Variants in SHOC1 observed in about 807,000 individuals in gnomAD.
SHOC1 encodes the protein shortage in chiasmata 1.
SHOC1 carries 136 observed loss-of-function variants against 179.2 expected under a neutral mutation model. The observed-to-expected ratio is 0.76, with a 90% CI of 0.66 to 0.87. The LOEUF is 0.87. Among genes scored for constraint, SHOC1 ranks in the 40% least tolerant of loss-of-function variants. The pLI is 0.00. For missense variants in SHOC1, 1,538 were observed against 1,700.8 expected (o/e 0.90, Z 1.68); for synonymous variants, 489 against 586.6 (o/e 0.83, Z 2.41).
chr9:111,704,928 T>A (rs1832179330), intron 21 of SHOC1, among the ~76,000 whole-genome samples: 1 of 152,138 alleles, frequency 6.6e-6, no homozygotes, highest in Non-Finnish European at 1.5e-5. Flanking sequence ...TATTTGCTGG[T>A]AACAAAAGAA....
chr9:111,695,421 A>C lies in SHOC1; in HGVS notation c.3184-1059T>G, dbSNP rs146543228. 2.4e-3 allele frequency among the ~76,000 whole-genome samples: 371 copies of C among 152,250 alleles called. 1 individual carries two copies. The highest frequency in any genetic ancestry group is 8.1e-3 in the African/African-American group (336 of 41,558). On this transcript the variant is annotated intron_variant, in intron 24 of 27. Transcript: ENST00000682961. ...CACAGAAATATATTGTTCAATTCCA[A>C]ATGTACTTTATTGCTAGTTTTGGGT... is the stretch of plus-strand genomic sequence containing the variant.
In SHOC1 at chr9:111,691,792, A is replaced by T. The variant is rs766289152; in HGVS notation, c.4185T>A (p.Thr1395=). 3.1e-6 allele frequency: 5 copies of T among 1,613,822 alleles called. No individual in the cohort carries two copies. Among genetic ancestry groups the T allele is most frequent in the Non-Finnish European group, 4.2e-6 (5 of 1,179,978 alleles). ...KLYSQKGNLF[T]DQQKCLSDES... Reference sequence around the variant, plus strand: ...CATCTGATAGACATTTTTGCTGATCAGTGAATAAATTACCTTTCTGAGAGT... The same window carrying T: ...CATCTGATAGACATTTTTGCTGATCTGTGAATAAATTACCTTTCTGAGAGT... The change falls in exon 27 of 28, where the codon ACT becomes ACA. Residue 1395 remains threonine (T), a synonymous_variant. Transcript: ENST00000682961.
intron 5 of SHOC1, among the ~76,000 whole-genome samples, chr9:111,766,597 T>G (rs1186315205): frequency 6.6e-6 from 1 of 151,982 alleles, no homozygotes; most frequent in Non-Finnish European, 1.5e-5. Context: ...AATTTCATTG[T>G]GTTTTTTTTT....
chr9:111,731,236 G>A (rs1313150527), intron 12 of SHOC1, among the ~76,000 whole-genome samples: 1 of 152,130 alleles, frequency 6.6e-6, no homozygotes, highest in Admixed American at 6.5e-5. Flanking sequence ...CACTAAAGTA[G>A]CACTTTTAAT....
chr9:111,722,964 G>A (rs1719781747), intron 14 of SHOC1, among the ~76,000 whole-genome samples: 1 of 152,078 alleles, frequency 6.6e-6, no homozygotes, highest in African/African-American at 2.4e-5. Context: ...ACCACGCCCA[G>A]CTAATTTTTG....
chr9:111,721,226 G>C (rs1833032387), intron 15 of SHOC1, among the ~76,000 whole-genome samples: 1 of 152,164 alleles, frequency 6.6e-6, no homozygotes, highest in Non-Finnish European at 1.5e-5. Context: ...TAGCTGGTGG[G>C]AACAGCCACT....
intron 19 of SHOC1, 42 bp downstream of exon 19, chr9:111,707,813 C>A (rs759068269): frequency 2.3e-6 from 3 of 1,318,392 alleles, no homozygotes; most frequent in Non-Finnish European, 3.2e-6. Context: ...TCCTGTGAAA[C>A]TGGTACGTTT....
chr9:111,769,986 G>GTTTTTTTTTTTTTTTTTTTTTTT (rs769266659), intron 5 of SHOC1, among the ~76,000 whole-genome samples: 41 of 77,614 alleles, frequency 5.3e-4, no homozygotes, highest in Middle Eastern at 7.5e-3. Context: ...TTTTTTTTTT[G>GTTTTTTTTTTTTTTTTTTTTTTT]TTTTTTTTTT....
rs151051721 is a variant in SHOC1 at position 111,785,206 on chromosome 9, T to C, written c.169+706A>G. Among the ~76,000 whole-genome samples, 68 of 152,292 alleles carry C rather than the reference T, an allele frequency of 4.5e-4. No homozygotes were observed. The East Asian group carries it at 0.011, about 25-fold the overall frequency. ...CATGATTCAGGTCTCAACTCAAATG[T>C]CCTCCTCCTGAGAGAGACATTTCCC... is the stretch of plus-strand genomic sequence containing the variant. On this transcript the variant is annotated intron_variant, in intron 3 of 27. Coordinates refer to ENST00000682961, the MANE Select transcript of SHOC1 (RefSeq NM_001378211.1).
intron 5 of SHOC1, among the ~76,000 whole-genome samples, chr9:111,764,671 T>C (rs1477943059): frequency 6.6e-6 from 1 of 152,114 alleles, no homozygotes; most frequent in Non-Finnish European, 1.5e-5. Context: ...GAGGTCAATA[T>C]ATAAGGTCTA....
intron 20 of SHOC1, among the ~76,000 whole-genome samples, chr9:111,706,195 C>T (rs1282334730): frequency 1.3e-5 from 2 of 152,018 alleles, no homozygotes; most frequent in Non-Finnish European, 2.9e-5. Context: ...TTGTTTTACA[C>T]ATTAAAATTT....
chr9:111,790,486 C>G (rs933885270), intron 2 of SHOC1, among the ~76,000 whole-genome samples: 1 of 152,166 alleles, frequency 6.6e-6, no homozygotes, highest in African/African-American at 2.4e-5. Flanking sequence ...ATTTTTTTCT[C>G]CTGACAGCTT....
chr9:111,780,167 G>A (rs966938141), intron 4 of SHOC1, among the ~76,000 whole-genome samples: 56 of 152,060 alleles, frequency 3.7e-4, no homozygotes, highest in African/African-American at 1.3e-3. Flanking sequence ...GGTATATTGG[G>A]CTTCACTGTA....
At chr9:111,688,817 G>A (rs929165822) in intron 27 of SHOC1, among the ~76,000 whole-genome samples, 1 of 93,924 alleles carries the variant, frequency 1.1e-5, no homozygotes, top group African/African-American at 7.4e-5. Flanking sequence ...TTGCTTTTAA[G>A]TTTTCCCTCA....
At chr9:111,692,561 A>G in intron 26 of SHOC1, 50 bp from the exon 27 acceptor site, 1 of 1,368,736 alleles carries the variant, frequency 7.3e-7, no homozygotes, top group Non-Finnish European at 9.9e-7. Context: ...AAATATAAAT[A>G]ATGATGCTTA....
chr9:111,708,945 C>T (rs12350472), intron 18 of SHOC1, among the ~76,000 whole-genome samples: 8,686 of 152,136 alleles, frequency 0.057, 632 homozygotes, highest in African/African-American at 0.17. Flanking sequence ...GAGTAATGGT[C>T]AATAATTTCA....
chr9:111,716,133 G>A (rs1463215381), intron 16 of SHOC1, among the ~76,000 whole-genome samples: 1 of 152,062 alleles, frequency 6.6e-6, no homozygotes, highest in African/African-American at 2.4e-5. Flanking sequence ...TCGTATGGCT[G>A]GATACCTGGA....
rs568747748 is a variant in SHOC1 at position 111,692,462 on chromosome 9, G to C, written c.3515C>G (p.Thr1172Arg). Residue 1172 changes from threonine to arginine, a missense_variant, in exon 27 of 28, where the codon ACA (threonine) becomes AGA (arginine). Physicochemically the swap from Thr to Arg is moderately conservative, Grantham distance 71. Transcript: ENST00000682961. ...AGGTGACGAAATTTGCGGTGATTTTGTTATGGAAGAAGAACCAATCTTGAA... is the reference window on the plus strand; with the variant it reads ...AGGTGACGAAATTTGCGGTGATTTTCTTATGGAAGAAGAACCAATCTTGAA... ...SLFKIGSSSI[T>R]KSPQISSPQE... 6 of 1,603,928 alleles carry C rather than the reference G, an allele frequency of 3.7e-6. No homozygotes were observed. The East Asian group carries it at 1.1e-4, about 30-fold the overall frequency.
intron 12 of SHOC1, among the ~76,000 whole-genome samples, chr9:111,728,599 T>C (rs187742735): frequency 8.6e-4 from 131 of 152,310 alleles, no homozygotes; most frequent in Middle Eastern, 3.4e-3. Context: ...ACATATTGTA[T>C]GATTCCATTT....
Sources: gnomAD v4.1 joint callset for allele counts (sites outside exome capture counted in the v4.1 genomes callset) on GRCh38, gnomAD v4.1.1 for gene constraint, MANE v1.5 for transcripts, NCBI Gene and HGNC (gene_info 2026-07-23, HGNC 2026-07-21) for gene names.